The following HEATR5A variants were observed in gnomAD, a reference collection of about 807,000 sequenced individuals.
The protein encoded by HEATR5A is HEAT repeat-containing protein 5A.
Under a neutral mutation model 218.8 loss-of-function variants are expected in HEATR5A, and 178 were observed. The observed-to-expected ratio is 0.81, with a 90% CI of 0.72 to 0.92. HEATR5A has a LOEUF of 0.92. Ranked by LOEUF, HEATR5A falls within the 40% of genes least tolerant of loss-of-function variation. The pLI is 0.00. For synonymous variants in HEATR5A, 864 were observed against 871.6 expected, an observed-to-expected ratio of 0.99 and a Z score of 0.15; for missense variants, 2,420 against 2,418.9, an observed-to-expected ratio of 1.00 and a Z score of -0.01.
At chr14:31,354,267 GA>G (rs1200880826) in intron 16 of HEATR5A, among the ~76,000 whole-genome samples, 1 of 152,168 alleles carries the variant, frequency 6.6e-6, no homozygotes, top group African/African-American at 2.4e-5. Flanking sequence ...CTGTTATCAT[GA>G]AATTGTATCG....
chr14:31,314,700 C>T (rs1400058616), intron 27 of HEATR5A, among the ~76,000 whole-genome samples: 1 of 152,148 alleles, frequency 6.6e-6, no homozygotes, highest in Admixed American at 6.5e-5. Context: ...TGCACCTGGC[C>T]AGACCCAGTT....
Position 31,349,858 on chromosome 14 carries a change from C to T in HEATR5A, c.2639G>A (p.Trp880Ter), listed in dbSNP as rs1220230051. Residue 880 changes from tryptophan (W) to a stop codon, truncating the protein, a stop_gained, in exon 18 of 36, where the codon TGG becomes TAG. Transcript: ENST00000543095. LOFTEE classifies it high-confidence loss of function. The part of the protein sequence containing the change: ...PLLRCAAAES[W>*]ARLAQVVDDG... The stretch of plus-strand genomic sequence containing the variant: ...ATCTACCACTTGGGCTAATCTAGCC[C>T]ATGACTCTGCAGCTGCACATCTCAG... 3 of 1,613,106 alleles carry T rather than the reference C, an allele frequency of 1.9e-6. No individual in the cohort carries two copies. The highest frequency in any genetic ancestry group is 2.5e-6 in the Non-Finnish European group (3 of 1,179,246).
At chr14:31,338,977 G>A (rs1002965871) in intron 21 of HEATR5A, among the ~76,000 whole-genome samples, 7 of 151,534 alleles carry the variant, frequency 4.6e-5, no homozygotes, top group South Asian at 2.1e-4. Flanking sequence ...AAAATTAGCC[G>A]GGCATGGTGG....
chr14:31,350,623 T>G lies in HEATR5A; in HGVS notation c.2506A>C (p.Ser836Arg), dbSNP rs1202460052. ...VQLHVVSSVS[S>R]FLKYVAGSKG... ...AAAATAATAATTACCTTCAAGAAAC[T>G]AGAAACTGAAGAAACAACATGTAAC... Residue 836 changes from serine to arginine, a missense_variant, in exon 17 of 36, where the codon AGT (serine) becomes CGT (arginine). Transcript: ENST00000543095. The G allele has an allele frequency of 6.4e-7, 1 of 1,569,812 alleles. No individual in the cohort carries two copies. The highest frequency in any genetic ancestry group is 1.7e-4 in the Middle Eastern group (1 of 5,978).
In HEATR5A at chr14:31,364,571, C is replaced by A. The variant is rs532055148; in HGVS notation, c.1962-273G>T. Among the ~76,000 whole-genome samples the A allele has an allele frequency of 3.3e-5, 5 of 152,266 alleles. No homozygotes were observed. In the South Asian group the frequency reaches 1.0e-3, roughly 32 times the overall value. On this transcript the variant is annotated intron_variant, in intron 13 of 35. Transcript: ENST00000543095. Reference sequence around the variant, plus strand: ...AGTAGCTGGGAACTACAGGGTTGCACTACCATGCCTGGCTAATTTTATTTT... The same window carrying A: ...AGTAGCTGGGAACTACAGGGTTGCAATACCATGCCTGGCTAATTTTATTTT...
chr14:31,350,731 T>C lies in HEATR5A; in HGVS notation c.2412-14A>G. ...AATATAAGAAGCCTACAATCAGAAA[T>C]AACAGGATTTAAAAGCAAGTAGGTA... On this transcript the variant is annotated splice_polypyrimidine_tract_variant and intron_variant, in intron 16 of 35. Coordinates refer to ENST00000543095, the MANE Select transcript of HEATR5A (RefSeq NM_015473.4). 7.4e-7 allele frequency: 1 copy of C among 1,360,234 alleles called. No homozygotes were observed. The allele number at this position is 1,360,234 out of a possible 1,614,324, so 84.3% of individuals were successfully genotyped here. A position where few individuals can be genotyped will look rare whatever the true frequency, so the allele number is the denominator to read the frequency against.
chr14:31,300,565 C>T (rs531032868), intron 33 of HEATR5A, among the ~76,000 whole-genome samples: 11 of 152,046 alleles, frequency 7.2e-5, no homozygotes, highest in East Asian at 1.9e-4. Context: ...CAGCTCCTTC[C>T]GGATCAGTCT....
intron 24 of HEATR5A, among the ~76,000 whole-genome samples, chr14:31,323,237 T>A (rs890935193): frequency 6.6e-6 from 1 of 152,224 alleles, no homozygotes; most frequent in Admixed American, 6.5e-5. Context: ...CACGGCTCAC[T>A]GCAAGCTCAA....
chr14:31,302,328 C>T lies in HEATR5A; in HGVS notation c.5431G>A (p.Ala1811Thr), dbSNP rs1899410538. Residue 1811 changes from alanine (A) to threonine (T), a missense_variant, in exon 33 of 36, where the codon GCC becomes ACC. Coordinates refer to ENST00000543095, the MANE Select transcript of HEATR5A (RefSeq NM_015473.4). ...CAACAGTCAAGAATTGTTGTTAAGGCACTTCGGAGAAGGTCAGTCCAAGCA... is the reference window on the plus strand; with the variant it reads ...CAACAGTCAAGAATTGTTGTTAAGGTACTTCGGAGAAGGTCAGTCCAAGCA... The part of the protein sequence containing the change: ...RTAWTDLLRS[A>T]LTTILDCWDP... 4 of 1,601,758 alleles carry T rather than the reference C, an allele frequency of 2.5e-6. No individual in the cohort carries two copies. The highest frequency in any genetic ancestry group is 1.1e-5 in the South Asian group (1 of 88,702).
rs1198896446 is a variant in HEATR5A at position 31,330,917 on chromosome 14, T to C, written c.3368-4575A>G. On this transcript the variant is annotated intron_variant, in intron 22 of 35. Coordinates refer to ENST00000543095, the MANE Select transcript of HEATR5A (RefSeq NM_015473.4). ...CCTCAGGCTGCAAATTTTCCAAACTTTTATATGCTCTGCTTCCCTCACCTT... is the reference window on the plus strand; with the variant it reads ...CCTCAGGCTGCAAATTTTCCAAACTCTTATATGCTCTGCTTCCCTCACCTT... 4.0e-5 allele frequency among the ~76,000 whole-genome samples: 6 copies of C among 151,558 alleles called. No homozygotes were observed. The Admixed American group carries it at 4.0e-4, about 10-fold the overall frequency.
chr14:31,339,122 A>C (rs1002658368), intron 21 of HEATR5A, among the ~76,000 whole-genome samples: 6 of 151,302 alleles, frequency 4.0e-5, no homozygotes, highest in Admixed American at 2.0e-4. Context: ...TCTCAGGAAA[A>C]AAAAACAAAA....
In HEATR5A at chr14:31,293,209, C is replaced by T; in HGVS notation, c.*96G>A. 2.1e-6 allele frequency: 2 copies of T among 931,984 alleles called. No individual in the cohort carries two copies. The highest frequency in any genetic ancestry group is 3.3e-6 in the Non-Finnish European group (2 of 615,260). 57.7% of individuals were successfully genotyped at this position (931,984 alleles called of 1,614,324 possible). A position where few individuals can be genotyped will look rare whatever the true frequency, so the allele number is the denominator to read the frequency against. ...TTTAAGGTAAAACAATCAACTAGAC[C>T]TCTAAGGGCACTTGTGTCTACAATG... On this transcript the variant is annotated 3_prime_UTR_variant, in exon 36 of 36. Coordinates refer to ENST00000543095, the MANE Select transcript of HEATR5A (RefSeq NM_015473.4).
intron 16 of HEATR5A, among the ~76,000 whole-genome samples, chr14:31,352,178 A>T (rs987819063): frequency 6.6e-6 from 1 of 152,056 alleles, no homozygotes. Flanking sequence ...CCTATACTTC[A>T]TTTTCCCTCT....
At position 31,404,934 on chromosome 14, in the gene HEATR5A, TG is replaced by T. The variant is rs2031003427; in HGVS notation, c.-74-1886del. Among the ~76,000 whole-genome samples the T allele has an allele frequency of 2.0e-5, 3 of 151,310 alleles. No individual in the cohort carries two copies. In the South Asian group the frequency reaches 6.2e-4, roughly 31 times the overall value. On this transcript the variant is annotated intron_variant, in intron 1 of 35. Coordinates refer to ENST00000543095, the MANE Select transcript of HEATR5A (RefSeq NM_015473.4). ...CTCAAAATAAAAAAAAGAAAAAATC[TG>T]GGTCCAGTGCCATGTGCGATGGCTC... is the stretch of plus-strand genomic sequence containing the variant.
intron 10 of HEATR5A, among the ~76,000 whole-genome samples, chr14:31,382,396 C>G (rs1457176765): frequency 1.3e-5 from 2 of 152,116 alleles, no homozygotes; most frequent in Non-Finnish European, 2.9e-5. Context: ...TATCAAACTC[C>G]ATAATGACAC....
chr14:31,321,892 A>T (rs1354131451), intron 24 of HEATR5A, among the ~76,000 whole-genome samples: 1 of 152,208 alleles, frequency 6.6e-6, no homozygotes, highest in East Asian at 1.9e-4. Context: ...AAAGCTAGTA[A>T]GTATATCCAG....
chr14:31,371,116 T>TCAC (rs1902020551), intron 13 of HEATR5A, among the ~76,000 whole-genome samples: 1 of 152,188 alleles, frequency 6.6e-6, no homozygotes, highest in Admixed American at 6.6e-5. Flanking sequence ...ATTCATTCAT[T>TCAC]CACCTATTAT....
At chr14:31,367,684 G>A (rs2139246729) in intron 13 of HEATR5A, among the ~76,000 whole-genome samples, 1 of 141,236 alleles carries the variant, frequency 7.1e-6, no homozygotes, top group South Asian at 2.3e-4. Context: ...CTCCCAAAAT[G>A]ATAGGATTAT....
chr14:31,358,550 T>C, intron 16 of HEATR5A, 87 bp downstream of exon 16: 1 of 1,158,418 alleles, frequency 8.6e-7, no homozygotes, highest in Non-Finnish European at 1.2e-6. Flanking sequence ...TTATAAGAAA[T>C]CATTTACGCT....
Sources: gnomAD v4.1 joint callset for allele counts (sites outside exome capture counted in the v4.1 genomes callset) on GRCh38, gnomAD v4.1.1 for gene constraint, MANE v1.5 for transcripts, NCBI Gene and HGNC (gene_info 2026-07-23, HGNC 2026-07-21) for gene names.